Variants in TPD52 observed in about 807,000 individuals in gnomAD.
TPD52 encodes tumor protein D52.
Under a neutral mutation model 31.3 loss-of-function variants are expected in TPD52, and 17 were observed. The ratio of observed to expected loss-of-function variants is 0.54; its 90% CI spans 0.37 to 0.82. The LOEUF is 0.82. Among genes scored for constraint, TPD52 ranks in the 40% least tolerant of loss-of-function variants. The pLI, the probability that TPD52 is intolerant of heterozygous loss-of-function variation, is 0.00. For synonymous variants in TPD52, 83 were observed against 89.6 expected, an observed-to-expected ratio of 0.93 and a Z score of 0.42; for missense variants, 212 against 240.1, an observed-to-expected ratio of 0.88 and a Z score of 0.77.
At position 80,114,485 on chromosome 8, in the gene TPD52, A is replaced by C. The variant is rs191910770; in HGVS notation, c.20-49892T>G. On this transcript the variant is annotated intron_variant, in intron 1 of 7. Transcript: ENST00000518937. Reference sequence around the variant, plus strand: ...CCCAAAATGCCTAGAACAGTGCCTGACACACATAAATATTTGTTGCATTAA... The same window carrying C: ...CCCAAAATGCCTAGAACAGTGCCTGCCACACATAAATATTTGTTGCATTAA... Among the ~76,000 whole-genome samples the C allele has an allele frequency of 7.9e-5, 12 of 152,252 alleles. No homozygotes were observed. The East Asian group carries it at 2.3e-3, about 29-fold the overall frequency.
At chr8:80,131,675 A>G (rs1342496355) in intron 1 of TPD52, among the ~76,000 whole-genome samples, 1 of 152,126 alleles carries the variant, frequency 6.6e-6, no homozygotes, top group Non-Finnish European at 1.5e-5. Context: ...CTTCCAAGAT[A>G]CCTTAGGACC....
chr8:80,130,274 T>C (rs892331551), intron 1 of TPD52, among the ~76,000 whole-genome samples: 1 of 152,190 alleles, frequency 6.6e-6, no homozygotes, highest in African/African-American at 2.4e-5. Context: ...GAAACCACCA[T>C]TAAAAACTTC....
At chr8:80,131,865 C>T (rs1490810192) in intron 1 of TPD52, among the ~76,000 whole-genome samples, 1 of 152,042 alleles carries the variant, frequency 6.6e-6, no homozygotes, top group Non-Finnish European at 1.5e-5. Context: ...TATGAAGACG[C>T]AATTCAGCAT....
chr8:80,129,983 C>A (rs1808910038), intron 1 of TPD52, among the ~76,000 whole-genome samples: 1 of 152,192 alleles, frequency 6.6e-6, no homozygotes, highest in Admixed American at 6.5e-5. Flanking sequence ...CAGGCGTAAG[C>A]CGTTGCTCCC....
chr8:80,065,563 G>A (rs1213953270), intron 1 of TPD52, among the ~76,000 whole-genome samples: 2 of 151,926 alleles, frequency 1.3e-5, no homozygotes, highest in Non-Finnish European at 2.9e-5. Context: ...CCAACCTTGG[G>A]TGCAAAATTG....
chr8:80,082,152 C>CA (rs945784863), intron 1 of TPD52, among the ~76,000 whole-genome samples: 1 of 145,930 alleles, frequency 6.9e-6, no homozygotes, highest in Non-Finnish European at 1.5e-5. Context: ...TTTTTAACAA[C>CA]AAAAAAATCT....
Position 80,118,004 on chromosome 8 carries a change from T to A in TPD52, c.20-53411A>T, listed in dbSNP as rs145561273. Among the ~76,000 whole-genome samples the A allele has an allele frequency of 7.8e-3, 1,181 of 152,226 alleles. 16 individuals carry two copies. Among genetic ancestry groups the A allele is most frequent in the African/African-American group, 0.026 (1,082 of 41,516 alleles). On this transcript the variant is annotated intron_variant, in intron 1 of 7. Transcript: ENST00000518937. ...ACCTCAGCCTCCCAAAGTGCCAGGA[T>A]TACAGGTGTGAGCCACCGCACCCAA...
intron 2 of TPD52, 110 bp downstream of exon 2, chr8:80,064,368 C>G: frequency 1.1e-6 from 1 of 869,886 alleles, no homozygotes; most frequent in Non-Finnish European, 1.9e-6. Flanking sequence ...AACACATATG[C>G]TTTCTCTCCC....
intron 1 of TPD52, among the ~76,000 whole-genome samples, chr8:80,168,350 T>C (rs780917500): frequency 6.6e-6 from 1 of 152,214 alleles, no homozygotes; most frequent in Non-Finnish European, 1.5e-5. Flanking sequence ...GGATTTTCAA[T>C]AGATAAATGC....
chr8:80,033,276 C>T (rs188640949), downstream of TPD52: 117 of 127,692 alleles, frequency 9.2e-4, no homozygotes, highest in African/African-American at 3.3e-3. Context: ...CAACTCTTCT[C>T]GTTGCCTGCA....
At chr8:80,053,161 C>T (rs756614434) in intron 3 of TPD52, 121 bp downstream of exon 3, 251 of 1,113,250 alleles carry the variant, frequency 2.3e-4, no homozygotes, top group Non-Finnish European at 2.4e-4. Flanking sequence ...AAAAGGGTGC[C>T]GTGTCGTCCA....
chr8:80,115,729 A>C (rs1204943805), intron 1 of TPD52, among the ~76,000 whole-genome samples: 1 of 152,214 alleles, frequency 6.6e-6, no homozygotes, highest in Non-Finnish European at 1.5e-5. Context: ...TGTTTCTTGA[A>C]GCCTAACAGA....
intron 1 of TPD52, among the ~76,000 whole-genome samples, chr8:80,072,232 C>T (rs1251572271): frequency 3.3e-5 from 5 of 151,998 alleles, no homozygotes; most frequent in Admixed American, 6.6e-5. Flanking sequence ...CTCCTGAACT[C>T]GGGAGGCAGA....
At chr8:80,051,861 C>T (rs1223090963) in intron 3 of TPD52, 3 of 424,506 alleles carry the variant, frequency 7.1e-6, no homozygotes, top group Admixed American at 7.9e-5. Flanking sequence ...GCCAGAAAGA[C>T]AGAGTCCTAT....
intron 5 of TPD52, among the ~76,000 whole-genome samples, chr8:80,044,510 G>A (rs1459530839): frequency 2.0e-5 from 3 of 152,232 alleles, no homozygotes; most frequent in African/African-American, 4.8e-5. Flanking sequence ...ATGAGTTACC[G>A]TAGGTCACAG....
At chr8:80,079,315 AGCTCTAC>A (rs1416856330) in intron 1 of TPD52, among the ~76,000 whole-genome samples, 3 of 152,112 alleles carry the variant, frequency 2.0e-5, no homozygotes, top group Non-Finnish European at 4.4e-5. Flanking sequence ...TCTACAGACC[AGCTCTAC>A]CCCTTCTCTG....
intron 1 of TPD52, among the ~76,000 whole-genome samples, chr8:80,106,916 A>T (rs1807170677): frequency 6.7e-6 from 1 of 149,922 alleles, no homozygotes; most frequent in African/African-American, 2.5e-5. Flanking sequence ...CAGTGGCGTG[A>T]TCTCAGCTCA....
At chr8:80,072,807 A>G (rs1814077442) in intron 1 of TPD52, among the ~76,000 whole-genome samples, 1 of 151,022 alleles carries the variant, frequency 6.6e-6, no homozygotes, top group African/African-American at 2.5e-5. Flanking sequence ...ACATATATAT[A>G]TATATATAAA....
intron 1 of TPD52, among the ~76,000 whole-genome samples, chr8:80,078,385 A>C (rs1007145739): frequency 9.2e-5 from 14 of 152,270 alleles, no homozygotes; most frequent in Non-Finnish European, 1.6e-4. Flanking sequence ...GCCAAAAGCC[A>C]CAAGAACTTT....
Sources: allele counts gnomAD v4.1 joint callset (sites outside exome capture counted in the v4.1 genomes callset), GRCh38; gene constraint gnomAD v4.1.1; transcripts MANE v1.5; gene names NCBI Gene and HGNC (gene_info 2026-07-23, HGNC 2026-07-21).